GNL1: variants seen among roughly 807,000 people sequenced by gnomAD.
GNL1 encodes guanine nucleotide-binding protein-like 1.
A neutral mutation model predicts 75.2 loss-of-function variants in GNL1; 21 were observed. That is an observed-to-expected ratio of 0.28 (90% CI 0.20 to 0.40). The LOEUF is 0.40. Ranked by LOEUF, GNL1 falls within the 10% of genes least tolerant of loss-of-function variation. The pLI, the probability that GNL1 is intolerant of heterozygous loss-of-function variation, is 1.00. For missense variants in GNL1, 579 were observed against 775.0 expected (o/e 0.75, Z 3.00); for synonymous variants, 287 against 303.4 (o/e 0.95, Z 0.56).
At position 30,544,832 on chromosome 6, in the gene GNL1, GGA is replaced by G. The variant is rs1387040355; in HGVS notation, c.*1238_*1239del. ...GAAAGGATCTGCTTTAGAGAAAAAA[GGA>G]GTCTGGTACTTCTCACTCCATCTAG... is the stretch of plus-strand genomic sequence containing the variant. On this transcript the variant is annotated 3_prime_UTR_variant, in exon 12 of 12. Transcript: ENST00000376621. The G allele has an allele frequency of 1.3e-5, 2 of 152,072 alleles. No individual in the cohort carries two copies. Among genetic ancestry groups the G allele is most frequent in the Non-Finnish European group, 2.9e-5 (2 of 68,014 alleles). The allele number at this position is 152,072 out of a possible 1,614,324, so 9.4% of individuals were successfully genotyped here. A position where few individuals can be genotyped will look rare whatever the true frequency, so the allele number is the denominator to read the frequency against.
rs1800049786 is a variant in GNL1, at chr6:30,555,034, G to A, written c.376+21C>T. The A allele has an allele frequency of 6.2e-7, 1 of 1,612,752 alleles. No individual in the cohort carries two copies. The highest frequency in any genetic ancestry group is 1.6e-4 in the Middle Eastern group (1 of 6,062). ...TTCCAAACTCCTTCCCCAGCCCAAT[G>A]CCTGTCTTGCTCTCACTCACCTGAG... On this transcript the variant is annotated intron_variant, in intron 3 of 11. Transcript: ENST00000376621. This position sits in a 1 kb window ranked among gnomAD's most constrained non-coding sequence, Gnocchi z 4.3.
Position 30,555,974 on chromosome 6 carries a change from T to C in GNL1, c.73+157A>G. 1 of 951,178 alleles carries C rather than the reference T, an allele frequency of 1.1e-6. No individual in the cohort carries two copies. Among genetic ancestry groups the C allele is most frequent in the South Asian group, 1.5e-5 (1 of 66,114 alleles). 58.9% of individuals were successfully genotyped at this position (951,178 alleles called of 1,614,324 possible). On this transcript the variant is annotated intron_variant, in intron 1 of 11. Coordinates refer to ENST00000376621, the MANE Select transcript of GNL1 (RefSeq NM_005275.5). This position sits in a 1 kb window ranked among gnomAD's most constrained non-coding sequence, Gnocchi z 4.3. Reference sequence around the variant, plus strand: ...TCCATCCTTCCCCACCCCTTCCAGATGTAGGGGGGGTGGGGGATCCCCTCC... The same window carrying C: ...TCCATCCTTCCCCACCCCTTCCAGACGTAGGGGGGGTGGGGGATCCCCTCC...
chr6:30,555,289 CAG>C lies in GNL1; in HGVS notation c.240-100_240-99del. ...AATCAACTTCGCAAACCATTCTCTC[CAG>C]AGTCGTTCAAGTCTCCTCTCTCAAG... On this transcript the variant is annotated intron_variant, in intron 2 of 11. Coordinates refer to ENST00000376621, the MANE Select transcript of GNL1 (RefSeq NM_005275.5). This position sits in a 1 kb window ranked among gnomAD's most constrained non-coding sequence, Gnocchi z 4.3. 5 of 1,458,314 alleles carry C rather than the reference CAG, an allele frequency of 3.4e-6. No homozygotes were observed. The South Asian group carries it at 4.9e-5, about 14-fold the overall frequency. 90.3% of individuals were successfully genotyped at this position (1,458,314 alleles called of 1,614,324 possible).
Position 30,546,005 on chromosome 6 carries a change from G to T in GNL1, c.*67C>A. 9.0e-7 allele frequency: 1 copy of T among 1,114,798 alleles called. No individual in the cohort carries two copies. The highest frequency in any genetic ancestry group is 1.3e-6 in the Non-Finnish European group (1 of 755,672). The allele number at this position is 1,114,798 out of a possible 1,614,324, so 69.1% of individuals were successfully genotyped here. On this transcript the variant is annotated 3_prime_UTR_variant, in exon 12 of 12. Coordinates refer to ENST00000376621, the MANE Select transcript of GNL1 (RefSeq NM_005275.5). This position sits in a 1 kb window ranked among gnomAD's most constrained non-coding sequence, Gnocchi z 5.1. The stretch of plus-strand genomic sequence containing the variant: ...TTTATTCACAATTGGGGTGGCAGAG[G>T]GGAGATACCCCCAGGTCAGTCCAAA...
In GNL1 at chr6:30,554,769, G is replaced by A. The variant is rs763247830; in HGVS notation, c.523C>T (p.Leu175=). ...SEKLSYFEHN[L]ETWRQLWRVL... ...TCCCTAGAGTACACTGTCACCTCCA[G>A]ATTGTGCTCAAAGTAGCTGAGTTTC... Residue 175 remains leucine, a synonymous_variant, in exon 4 of 12, where the codon CTG becomes TTG. Transcript: ENST00000376621. The A allele has an allele frequency of 1.9e-6, 3 of 1,612,774 alleles. No individual in the cohort carries two copies. The highest frequency in any genetic ancestry group is 2.5e-6 in the Non-Finnish European group (3 of 1,179,892).
chr6:30,547,206 G>C lies in GNL1; in HGVS notation c.1347C>G (p.Ser449=), dbSNP rs761169292. ...GGAGCAGGGCCTGCACGGGAATTCGGGAGGCCAGGTAGCCCACAGCAGTGT... is the reference window on the plus strand; with the variant it reads ...GGAGCAGGGCCTGCACGGGAATTCGCGAGGCCAGGTAGCCCACAGCAGTGT... The part of the protein sequence containing the change: ...EPYTAVGYLA[S]RIPVQALLHL... The change falls in exon 10 of 12, where the codon TCC becomes TCG. Residue 449 remains serine (S), a synonymous_variant. Transcript: ENST00000376621. The surrounding 1 kb of genome is among the most constrained non-coding windows in gnomAD (Gnocchi z 5.5). The C allele has an allele frequency of 5.0e-6, 8 of 1,613,532 alleles. No homozygotes were observed. In the Admixed American group the frequency reaches 8.3e-5, roughly 17 times the overall value.
At position 30,544,114 on chromosome 6, in the gene GNL1, T is replaced by C. The variant is rs1409593485; in HGVS notation, c.*1958A>G. ...CCTCATCTGCACGTCCCTCAGTTCT[T>C]TTCCTGTTGCTATTATCCTATAGAG... On this transcript the variant is annotated 3_prime_UTR_variant, in exon 12 of 12. Transcript: ENST00000376621. 6.6e-6 allele frequency: 1 copy of C among 152,230 alleles called. No homozygotes were observed. Among genetic ancestry groups the C allele is most frequent in the East Asian group, 1.9e-4 (1 of 5,204 alleles). The allele number at this position is 152,230 out of a possible 1,614,324, so 9.4% of individuals were successfully genotyped here.
In GNL1 at chr6:30,546,257, C is replaced by G. The variant is rs1343237148; in HGVS notation, c.1639G>C (p.Gly547Arg). 1 of 1,590,732 alleles carries G rather than the reference C, an allele frequency of 6.3e-7. No homozygotes were observed. The highest frequency in any genetic ancestry group is 1.4e-5 in the African/African-American group (1 of 73,952). Residue 547 changes from glycine (G) to arginine (R), a missense_variant, in exon 12 of 12, where the codon GGG becomes CGG. Gly to Arg is a moderately radical substitution (Grantham distance 125, BLOSUM62 -2). Transcript: ENST00000376621. The surrounding 1 kb of genome is among the most constrained non-coding windows in gnomAD (Gnocchi z 5.1). ...TELVVLQGRV[G>R]PAGDEEEEEE... is the part of the protein sequence containing the mutation. ...TCCTCCTCCTCGTCACCTGCTGGCC[C>G]CACCCTGCCCTGCAAAACCACCAGC... is the stretch of plus-strand genomic sequence containing the variant.
At position 30,544,354 on chromosome 6, in the gene GNL1, A is replaced by G. The variant is rs1461502639; in HGVS notation, c.*1718T>C. 6.6e-6 allele frequency: 1 copy of G among 152,234 alleles called. No homozygotes were observed. The highest frequency in any genetic ancestry group is 1.5e-5 in the Non-Finnish European group (1 of 68,078). 9.4% of individuals were successfully genotyped at this position (152,234 alleles called of 1,614,324 possible). ...AAACAGCACAGGAAGCAGAGGTACA[A>G]ATAGAATTCTGATTTTTCTCCTTTC... is the stretch of plus-strand genomic sequence containing the variant. On this transcript the variant is annotated 3_prime_UTR_variant, in exon 12 of 12. Transcript: ENST00000376621.
In GNL1 at chr6:30,553,494, G is replaced by C. The variant is rs1036841902; in HGVS notation, c.664C>G (p.Leu222Val). 1.2e-6 allele frequency: 2 copies of C among 1,612,974 alleles called. No homozygotes were observed. The highest frequency in any genetic ancestry group is 1.3e-5 in the African/African-American group (1 of 75,034). ...GCCAGATCCACCTTGTTCAAAACCA[G>C]CACCAGGGCCAGTCCAAGTTCTCCA... The part of the protein sequence containing the change: ...VTGELGLALV[L>V]VLNKVDLAPP... Residue 222 changes from leucine (L) to valine (V), a missense_variant, in exon 6 of 12, where the codon CTG becomes GTG. Transcript: ENST00000376621.
At position 30,552,084 on chromosome 6, in the gene GNL1, G is replaced by C. The variant is rs1799817891; in HGVS notation, c.1099+383C>G. On this transcript the variant is annotated intron_variant, in intron 8 of 11. Transcript: ENST00000376621. The surrounding 1 kb of genome is among the most constrained non-coding windows in gnomAD (Gnocchi z 4.5). Reference sequence around the variant, plus strand: ...TCACTATGTTGCCCAGACTAGTCTTGAGCTCCTGGTCTCAAGCAATCCTCC... The same window carrying C: ...TCACTATGTTGCCCAGACTAGTCTTCAGCTCCTGGTCTCAAGCAATCCTCC... 2 of 209,296 alleles carry C rather than the reference G, an allele frequency of 9.6e-6. No individual in the cohort carries two copies. The highest frequency in any genetic ancestry group is 1.9e-5 in the Non-Finnish European group (2 of 105,300). 13.0% of individuals were successfully genotyped at this position (209,296 alleles called of 1,614,324 possible).
At position 30,543,539 on chromosome 6, in the gene GNL1, CA is replaced by C. The variant is rs959752662; in HGVS notation, c.*2532del. ...TTTAGTTATGACAGTTCAATAGAAA[CA>C]CGTAAAATAATGCTTTTATAGTTTA... On this transcript the variant is annotated 3_prime_UTR_variant, in exon 12 of 12. Coordinates refer to ENST00000376621, the MANE Select transcript of GNL1 (RefSeq NM_005275.5). 44 of 152,124 alleles carry C rather than the reference CA, an allele frequency of 2.9e-4. No individual in the cohort carries two copies. Among genetic ancestry groups the C allele is most frequent in the African/African-American group, 1.1e-3 (44 of 41,430 alleles). 9.4% of individuals were successfully genotyped at this position (152,124 alleles called of 1,614,324 possible). A position where few individuals can be genotyped will look rare whatever the true frequency, so the allele number is the denominator to read the frequency against.
intron 4 of GNL1, 32 bp downstream of exon 4, chr6:30,554,732 G>A: frequency 6.2e-7 from 1 of 1,609,910 alleles, no homozygotes; most frequent in South Asian, 1.1e-5. Flanking sequence ...AGGTCACTAT[G>A]CCCCACTCCT....
In GNL1 at chr6:30,547,415, G is replaced by T. The variant is rs996237390; in HGVS notation, c.1215C>A (p.Pro405=). 12 of 1,613,846 alleles carry T rather than the reference G, an allele frequency of 7.4e-6. No individual in the cohort carries two copies. The Admixed American group carries it at 1.7e-4, about 22-fold the overall frequency. ...TRYFQTYFLT[P]SVKLCDCPGL... is the part of the protein sequence containing the mutation. ...CTGGGCAGTCACAGAGCTTCACAGA[G>T]GGGGTAAGAAAGTAGGTCTGAAAGT... Residue 405 remains proline (P), a synonymous_variant, in exon 9 of 12, where the codon CCC becomes CCA. Coordinates refer to ENST00000376621, the MANE Select transcript of GNL1 (RefSeq NM_005275.5). The surrounding 1 kb of genome is among the most constrained non-coding windows in gnomAD (Gnocchi z 5.5).
intron 5 of GNL1, 104 bp from the exon 6 acceptor site, chr6:30,553,661 G>A (rs1222031225): frequency 1.3e-6 from 1 of 758,122 alleles, no homozygotes; most frequent in Non-Finnish European, 2.3e-6. Context: ...AGGCCCTGGT[G>A]GTAGCAGACT....
Position 30,548,742 on chromosome 6 carries a change from T to C in GNL1, c.1100-1212A>G, listed in dbSNP as rs963307190. On this transcript the variant is annotated intron_variant, in intron 8 of 11. Transcript: ENST00000376621. This position sits in a 1 kb window ranked among gnomAD's most constrained non-coding sequence, Gnocchi z 4.2. ...CACTGTGCTCACTCTTTACAACACA[T>C]GCAAGTATCTAGGAGGAAGGGAGGG... Among the ~76,000 whole-genome samples, 1 of 152,194 alleles carries C rather than the reference T, an allele frequency of 6.6e-6. No individual in the cohort carries two copies. Among genetic ancestry groups the C allele is most frequent in the South Asian group, 2.1e-4 (1 of 4,816 alleles).
At position 30,546,425 on chromosome 6, in the gene GNL1, T is replaced by A; in HGVS notation, c.1583-112A>T. 1.4e-6 allele frequency: 1 copy of A among 728,368 alleles called. No homozygotes were observed. The highest frequency in any genetic ancestry group is 2.3e-6 in the Non-Finnish European group (1 of 431,678). 45.1% of individuals were successfully genotyped at this position (728,368 alleles called of 1,614,324 possible). A position where few individuals can be genotyped will look rare whatever the true frequency, so the allele number is the denominator to read the frequency against. ...GAATAACAATAATCTTTAGAGCTGC[T>A]GGCATTCATTCATTCATCCATTCAT... On this transcript the variant is annotated intron_variant, in intron 11 of 11. Coordinates refer to ENST00000376621, the MANE Select transcript of GNL1 (RefSeq NM_005275.5). The surrounding 1 kb of genome is among the most constrained non-coding windows in gnomAD (Gnocchi z 5.1).
Position 30,548,446 on chromosome 6 carries a change from C to T in GNL1, c.1100-916G>A, listed in dbSNP as rs984096375. On this transcript the variant is annotated intron_variant, in intron 8 of 11. Transcript: ENST00000376621. This position sits in a 1 kb window ranked among gnomAD's most constrained non-coding sequence, Gnocchi z 4.2. ...ACAACTCATCTTTCCAGCTCACTTA[C>T]TCTGGTTACTCCATGCCAGTAAGTC... 4.6e-5 allele frequency among the ~76,000 whole-genome samples: 7 copies of T among 152,204 alleles called. No individual in the cohort carries two copies. Among genetic ancestry groups the T allele is most frequent in the African/African-American group, 1.7e-4 (7 of 41,438 alleles).
rs755176439 is a variant in GNL1, at chr6:30,555,787, T to A, written c.74-67A>T. 2 of 1,489,232 alleles carry A rather than the reference T, an allele frequency of 1.3e-6. No homozygotes were observed. The highest frequency in any genetic ancestry group is 1.9e-6 in the Non-Finnish European group (2 of 1,080,660). 92.3% of individuals were successfully genotyped at this position (1,489,232 alleles called of 1,614,324 possible). On this transcript the variant is annotated intron_variant, in intron 1 of 11. Coordinates refer to ENST00000376621, the MANE Select transcript of GNL1 (RefSeq NM_005275.5). This position sits in a 1 kb window ranked among gnomAD's most constrained non-coding sequence, Gnocchi z 4.3. ...AGGGGCCATAAGACCCTCTCCCCCA[T>A]CGGCCTGACTCCCTTTCATCCCACT...
Sources: gnomAD v4.1 joint callset for allele counts (sites outside exome capture counted in the v4.1 genomes callset) on GRCh38, gnomAD v4.1.1 for gene constraint, Gnocchi (gnomAD v3.1) non-coding constraint, MANE v1.5 for transcripts, NCBI Gene and HGNC (gene_info 2026-07-23, HGNC 2026-07-21) for gene names.